LARGE1: variants seen among roughly 807,000 people sequenced by gnomAD.
The protein encoded by LARGE1 is LARGE xylosyl- and glucuronyltransferase 1.
Under a neutral mutation model 87.6 loss-of-function variants are expected in LARGE1, and 43 were observed. That is an observed-to-expected ratio of 0.49 (90% CI 0.38 to 0.63). LARGE1 has a LOEUF of 0.63. Among genes scored for constraint, LARGE1 ranks in the 30% least tolerant of loss-of-function variants. The pLI, the probability that LARGE1 is intolerant of heterozygous loss-of-function variation, is 0.00. For synonymous variants in LARGE1, 434 were observed against 394.6 expected, an observed-to-expected ratio of 1.10 and a Z score of -1.18; for missense variants, 802 against 1,000.2, an observed-to-expected ratio of 0.80 and a Z score of 2.67.
rs142231187 is a variant in LARGE1, at chr22:33,574,433, G to A, written c.616-9414C>T. Among the ~76,000 whole-genome samples, 527 of 151,604 alleles carry A rather than the reference G, an allele frequency of 3.5e-3. 4 individuals are homozygous for A. The East Asian group carries it at 0.041, about 12-fold the overall frequency. On this transcript the variant is annotated intron_variant, in intron 5 of 14. Coordinates refer to ENST00000397394, the MANE Select transcript of LARGE1 (RefSeq NM_133642.5). ...AATGACAAGAAAAAACTCTGTACAT[G>A]TTCAATATAGATGCAACCATCTATT...
intron 9 of LARGE1, among the ~76,000 whole-genome samples, chr22:33,358,775 A>G (rs1203209831): frequency 6.6e-6 from 1 of 152,094 alleles, no homozygotes; most frequent in Non-Finnish European, 1.5e-5. Context: ...TCATGAGGTC[A>G]GGAGTTTGAG....
intron 4 of LARGE1, 79 bp from the exon 5 acceptor site, chr22:33,604,637 C>A: frequency 6.3e-7 from 1 of 1,579,244 alleles, no homozygotes; most frequent in Non-Finnish European, 8.7e-7. Flanking sequence ...ACACTCTTCA[C>A]AGTTCCTACG....
At chr22:33,334,883 C>T (rs1019318227) in intron 10 of LARGE1, among the ~76,000 whole-genome samples, 1 of 152,234 alleles carries the variant, frequency 6.6e-6, no homozygotes, top group Non-Finnish European at 1.5e-5. Flanking sequence ...ACGCATTCTT[C>T]CTGAGCAAAT....
At chr22:33,742,111 A>G (rs2083907071) in intron 2 of LARGE1, among the ~76,000 whole-genome samples, 2 of 152,114 alleles carry the variant, frequency 1.3e-5, no homozygotes, top group African/African-American at 4.8e-5. Flanking sequence ...GGTAAGCAAA[A>G]TCATGGTCCC....
At chr22:33,247,047 ATGTGTGTGTGTGTG>A (rs10532057) in intron 11 of LARGE1, among the ~76,000 whole-genome samples, 49 of 146,282 alleles carry the variant, frequency 3.3e-4, no homozygotes, top group African/African-American at 1.1e-3. Flanking sequence ...TGCAGCCAGT[ATGTGTGTGTGTGTG>A]TGTGTGTGTG....
chr22:33,236,766 C>T (rs1319354667), intron 11 of LARGE1, among the ~76,000 whole-genome samples: 4 of 152,114 alleles, frequency 2.6e-5, no homozygotes, highest in Non-Finnish European at 5.9e-5. Context: ...CCAGTCTAGC[C>T]CAAACCTACC....
At chr22:33,839,221 G>A (rs2063198353) in intron 1 of LARGE1, among the ~76,000 whole-genome samples, 1 of 152,212 alleles carries the variant, frequency 6.6e-6, no homozygotes, top group Non-Finnish European at 1.5e-5. Context: ...GGAGGTAAAA[G>A]AGGAGCAGAC....
chr22:33,820,674 AG>A (rs1203234232), intron 1 of LARGE1, among the ~76,000 whole-genome samples: 3 of 152,190 alleles, frequency 2.0e-5, no homozygotes, highest in Admixed American at 2.0e-4. Flanking sequence ...AAAATAAAGA[AG>A]AAAAATATTA....
chr22:33,758,616 T>G (rs1157505775), intron 2 of LARGE1, among the ~76,000 whole-genome samples: 1 of 152,208 alleles, frequency 6.6e-6, no homozygotes, highest in African/African-American at 2.4e-5. Context: ...CAGTTTCCCA[T>G]AATCTATCTG....
intron 3 of LARGE1, among the ~76,000 whole-genome samples, chr22:33,636,221 G>T (rs1008543635): frequency 6.6e-6 from 1 of 152,070 alleles, no homozygotes; most frequent in Non-Finnish European, 1.5e-5. Flanking sequence ...ATCAATACAG[G>T]GAGATCATAT....
chr22:33,264,145 C>G (rs1927798645), intron 11 of LARGE1, among the ~76,000 whole-genome samples: 1 of 152,124 alleles, frequency 6.6e-6, no homozygotes, highest in South Asian at 2.1e-4. Context: ...AAGATCAACT[C>G]CTTCATATTA....
intron 6 of LARGE1, among the ~76,000 whole-genome samples, chr22:33,462,390 A>G (rs2068417152): frequency 6.6e-6 from 1 of 152,206 alleles, no homozygotes; most frequent in South Asian, 2.1e-4. Context: ...TTTAAAAGAT[A>G]TACTTCAGGA....
At position 33,767,528 on chromosome 22, in the gene LARGE1, C is replaced by T. The variant is rs150051492; in HGVS notation, c.-82-5970G>A. Reference sequence around the variant, plus strand: ...CTCAGTGCAGTGAGTTAACATCTCTCGTGTCCTAATTGGGAATACACCCTC... The same window carrying T: ...CTCAGTGCAGTGAGTTAACATCTCTTGTGTCCTAATTGGGAATACACCCTC... On this transcript the variant is annotated intron_variant, in intron 1 of 14. Transcript: ENST00000397394. Among the ~76,000 whole-genome samples the T allele has an allele frequency of 3.7e-3, 567 of 151,220 alleles. 2 individuals carry two copies. The highest frequency in any genetic ancestry group is 0.012 in the African/African-American group (492 of 41,288).
At chr22:33,448,943 G>A (rs1409040114) in intron 6 of LARGE1, among the ~76,000 whole-genome samples, 3 of 152,046 alleles carry the variant, frequency 2.0e-5, no homozygotes, top group Non-Finnish European at 4.4e-5. Flanking sequence ...ACTGATTTTC[G>A]TTCTGTCACT....
At chr22:33,405,089 GTCTT>G (rs2066051238) in intron 7 of LARGE1, among the ~76,000 whole-genome samples, 1 of 152,172 alleles carries the variant, frequency 6.6e-6, no homozygotes, top group Admixed American at 6.5e-5. Flanking sequence ...CTTTATTTTT[GTCTT>G]TGTTTCTTTC....
chr22:33,896,873 G>T (rs1218536387), intron 1 of LARGE1, among the ~76,000 whole-genome samples: 1 of 152,160 alleles, frequency 6.6e-6, no homozygotes, highest in Non-Finnish European at 1.5e-5. Context: ...TGCTACAGGG[G>T]CCAAGTGTCA....
chr22:33,749,391 C>G (rs5999085), intron 2 of LARGE1, among the ~76,000 whole-genome samples: 45,276 of 152,074 alleles, frequency 0.3, 9,032 homozygotes, highest in African/African-American at 0.58. Context: ...AGGATTACAG[C>G]TGTGAGCCAC....
At chr22:33,911,414 T>C (rs1370283536) in intron 1 of LARGE1, among the ~76,000 whole-genome samples, 1 of 152,114 alleles carries the variant, frequency 6.6e-6, no homozygotes, top group African/African-American at 2.4e-5. Context: ...GGGAGTCATA[T>C]TGGGAAATGG....
At chr22:33,196,849 T>C (rs1301518138) in intron 11 of LARGE1, among the ~76,000 whole-genome samples, 3 of 152,050 alleles carry the variant, frequency 2.0e-5, no homozygotes, top group Non-Finnish European at 4.4e-5. Flanking sequence ...CCACTATGCC[T>C]CATGGCTTTA....
Sources: allele counts gnomAD v4.1 joint callset (sites outside exome capture counted in the v4.1 genomes callset), GRCh38; gene constraint gnomAD v4.1.1; transcripts MANE v1.5; gene names NCBI Gene and HGNC (gene_info 2026-07-23, HGNC 2026-07-21).